The following NBPF8 variants were observed in gnomAD, a reference collection of about 807,000 sequenced individuals.
NBPF8 encodes NBPF family member NBPF8.
chr1:120,434,221 G>GA (rs1441221153), upstream of NBPF8, among the ~76,000 whole-genome samples: 72 of 144,138 alleles, frequency 5.0e-4, no homozygotes, highest in Non-Finnish European at 7.4e-4. Context: ...ACTTAAAAAA[G>GA]AAAAAAATAT....
upstream of NBPF8, among the ~76,000 whole-genome samples, chr1:120,415,283 C>T (rs1553244939): frequency 3.4e-3 from 512 of 152,226 alleles, 4 homozygotes; most frequent in South Asian, 0.013. Flanking sequence ...GAGGTGAAGG[C>T]GCCGCGCCAG....
exon 25 of NBPF8, chr1:120,466,217 A>G (rs1335450558): frequency 6.2e-7 from 1 of 1,608,324 alleles, no homozygotes. Context: ...ATATTCCCAC[A>G]ATAAGCAGCC....
At chr1:120,421,539 C>T (rs1356805366) in intron 1 of NBPF8, among the ~76,000 whole-genome samples, 1 of 149,598 alleles carries the variant, frequency 6.7e-6, no homozygotes, top group Non-Finnish European at 1.5e-5. Context: ...TTCCTCCTTC[C>T]TTCCCTCCCT....
chr1:120,417,920 A>G (rs1553245463), upstream of NBPF8, among the ~76,000 whole-genome samples: 1 of 93,804 alleles, frequency 1.1e-5, no homozygotes, highest in East Asian at 2.5e-4. Context: ...TTTTTACTAC[A>G]TGGATGTGTC....
upstream of NBPF8, among the ~76,000 whole-genome samples, chr1:120,415,581 G>A (rs1360788574): frequency 2.0e-5 from 3 of 152,182 alleles, no homozygotes; most frequent in African/African-American, 4.8e-5. Flanking sequence ...CGTGTATCCT[G>A]TGGAGGACCC....
At chr1:120,435,460 T>C (rs1661042291), upstream of NBPF8, among the ~76,000 whole-genome samples, 1 of 120,178 alleles carries the variant, frequency 8.3e-6, no homozygotes, top group Non-Finnish European at 1.7e-5. Context: ...GTGATAATCA[T>C]ACAATCAATA....
At chr1:120,419,475 T>C (rs1660514438), upstream of NBPF8, among the ~76,000 whole-genome samples, 1 of 151,958 alleles carries the variant, frequency 6.6e-6, no homozygotes. Context: ...CTCAAGTATT[T>C]AGTCAGGACT....
chr1:120,424,637 A>T (rs1660662072), intron 1 of NBPF8, among the ~76,000 whole-genome samples: 1 of 151,240 alleles, frequency 6.6e-6, no homozygotes, highest in South Asian at 2.1e-4. Flanking sequence ...TGGTAGAGAC[A>T]GGGTTTCTTC....
At chr1:120,457,783 T>A (rs1661485296) in intron 16 of NBPF8, among the ~76,000 whole-genome samples, 1 of 55,480 alleles carries the variant, frequency 1.8e-5, no homozygotes, top group Non-Finnish European at 3.2e-5. Context: ...AAAGGAAAAC[T>A]ATACATATGG....
intron 21 of NBPF8, 44 bp downstream of exon 19, chr1:120,463,010 C>G: frequency 1.2e-5 from 7 of 594,194 alleles, no homozygotes; most frequent in Non-Finnish European, 1.8e-5. Context: ...ACCTGGTCTT[C>G]CAGATAGGGG....
chr1:120,452,863 G>A (rs1354047649), intron 13 of NBPF8, among the ~76,000 whole-genome samples: 13 of 152,332 alleles, frequency 8.5e-5, no homozygotes, highest in East Asian at 3.9e-4. Context: ...TTATGTGGGG[G>A]CGTTTTGTGG....
chr1:120,454,250 T>G, intron 15 of NBPF8, 136 bp downstream of exon 13: 2 of 1,555,746 alleles, frequency 1.3e-6, no homozygotes, highest in East Asian at 4.5e-5. Flanking sequence ...AGGGAGTTTT[T>G]TTGTCCTTCA....
At chr1:120,454,232 C>T in intron 15 of NBPF8, 118 bp downstream of exon 13, 1 of 1,530,984 alleles carries the variant, frequency 6.5e-7, no homozygotes, top group Non-Finnish European at 9.0e-7. Context: ...GGTTTCTAAA[C>T]AGATATCAGG....
At chr1:120,434,555 G>A (rs1392024005), upstream of NBPF8, among the ~76,000 whole-genome samples, 1 of 150,562 alleles carries the variant, frequency 6.6e-6, no homozygotes, top group South Asian at 2.1e-4. Flanking sequence ...CCCGTCCTGT[G>A]TCCAAGTGTT....
upstream of NBPF8, among the ~76,000 whole-genome samples, chr1:120,434,286 G>A (rs1661002498): frequency 3.6e-5 from 1 of 27,856 alleles, no homozygotes; most frequent in Admixed American, 3.1e-4. Flanking sequence ...GTATATACAC[G>A]TATTATATAT....
intron 11 of NBPF8, among the ~76,000 whole-genome samples, chr1:120,450,299 G>A (rs1384694565): frequency 0.017 from 2,582 of 152,074 alleles, 77 homozygotes; most frequent in African/African-American, 0.058. Context: ...GTGAAGTCCT[G>A]CTTCCTGGGG....
At chr1:120,464,866 C>T (rs1661701523) in intron 23 of NBPF8, among the ~76,000 whole-genome samples, 1 of 104,890 alleles carries the variant, frequency 9.5e-6, no homozygotes, top group Non-Finnish European at 2.0e-5. Flanking sequence ...TTTCCTTTTT[C>T]ACTCTAATTT....
upstream of NBPF8, among the ~76,000 whole-genome samples, chr1:120,431,417 C>CAT (rs1226229746): frequency 3.6e-5 from 3 of 84,436 alleles, no homozygotes; most frequent in South Asian, 3.0e-4. Context: ...CACACACACA[C>CAT]ACATATATAT....
At chr1:120,421,975 C>A (rs1164766503) in intron 1 of NBPF8, among the ~76,000 whole-genome samples, 1 of 151,968 alleles carries the variant, frequency 6.6e-6, no homozygotes, top group Non-Finnish European at 1.5e-5. Flanking sequence ...TGCTCTGACT[C>A]CAGGTTGGTG....
Sources: gnomAD v4.1 joint callset for allele counts (sites outside exome capture counted in the v4.1 genomes callset) on GRCh38, gnomAD v4.1.1 for gene constraint, MANE v1.5 for transcripts, NCBI Gene and HGNC (gene_info 2026-07-23, HGNC 2026-07-21) for gene names.